The following SLF2 variants were observed in gnomAD, a reference collection of about 807,000 sequenced individuals.
SLF2 encodes the protein SMC5-SMC6 complex localization factor protein 2.
SLF2 carries 68 observed loss-of-function variants against 124.3 expected under a neutral mutation model. That is an observed-to-expected ratio of 0.55 (90% CI 0.45 to 0.67). SLF2 has a LOEUF of 0.67. Among genes scored for constraint, SLF2 ranks in the 30% least tolerant of loss-of-function variants. The probability of loss-of-function intolerance (pLI) is 0.00; values close to 1 mark genes in which losing one functional copy is unlikely to be tolerated. For missense variants in SLF2, 1,246 were observed against 1,373.7 expected, an observed-to-expected ratio of 0.91 and a Z score of 1.47; for synonymous variants, 480 against 478.8, an observed-to-expected ratio of 1.00 and a Z score of -0.03.
chr10:100,960,902 C>G (rs1443189979), intron 19 of SLF2, among the ~76,000 whole-genome samples: 2 of 145,856 alleles, frequency 1.4e-5, no homozygotes, highest in Non-Finnish European at 3.0e-5. Context: ...AATGACGCTT[C>G]TCAAATTTTA....
chr10:100,913,291 G>C (rs781460219), intron 1 of SLF2, 41 bp downstream of exon 1: 2 of 1,518,842 alleles, frequency 1.3e-6, no homozygotes, highest in Admixed American at 2.1e-5. Flanking sequence ...GGTCGCGGGG[G>C]CAAGGGTATG....
chr10:100,918,578 G>T (rs1363311902), intron 4 of SLF2, 137 bp downstream of exon 4: 1 of 586,350 alleles, frequency 1.7e-6, no homozygotes, highest in Non-Finnish European at 2.9e-6. Flanking sequence ...TAAGAGTTTG[G>T]TAAGATCATA....
rs967615259 is a variant in SLF2 at position 100,915,081 on chromosome 10, C to G, written c.141-918C>G. ...GAATACGAATTCTGGTAATGGATTC[C>G]TATTTCACTTTAGCATTATTGCCAA... On this transcript the variant is annotated intron_variant, in intron 1 of 19. Transcript: ENST00000238961. Among the ~76,000 whole-genome samples the G allele has an allele frequency of 1.1e-4, 17 of 152,164 alleles. 1 individual carries two copies. Among genetic ancestry groups the G allele is most frequent in the Non-Finnish European group, 8.8e-5 (6 of 68,012 alleles).
chr10:100,954,941 C>CT (rs753768937), intron 17 of SLF2, among the ~76,000 whole-genome samples: 36,469 of 137,008 alleles, frequency 0.27, 5,701 homozygotes, highest in East Asian at 0.54. Context: ...GCAAGACTCT[C>CT]TTTTTTTTTT....
At chr10:100,925,025 T>C in intron 5 of SLF2, 53 bp downstream of exon 5, 6 of 1,505,758 alleles carry the variant, frequency 4.0e-6, no homozygotes, top group Non-Finnish European at 5.4e-6. Flanking sequence ...GATGATTAAT[T>C]AGTGAAAGGG....
intron 1 of SLF2, 47 bp downstream of exon 1, chr10:100,913,297 G>C (rs770237569): frequency 6.7e-7 from 1 of 1,483,208 alleles, no homozygotes; most frequent in South Asian, 1.3e-5. Flanking sequence ...GGGGGCAAGG[G>C]TATGAGGGGA....
chr10:100,947,250 A>C, intron 14 of SLF2, 114 bp downstream of exon 14: 1 of 572,730 alleles, frequency 1.7e-6, no homozygotes. Context: ...AGATATGTTT[A>C]TTTCATATTC....
At chr10:100,939,610 G>A (rs181436228) in intron 11 of SLF2, among the ~76,000 whole-genome samples, 12 of 150,950 alleles carry the variant, frequency 7.9e-5, no homozygotes, top group African/African-American at 2.9e-4. Flanking sequence ...CCCGGGTGGC[G>A]GAGGTTACAG....
At chr10:100,936,717 G>T (rs1415480799) in intron 9 of SLF2, among the ~76,000 whole-genome samples, 4 of 152,024 alleles carry the variant, frequency 2.6e-5, no homozygotes, top group African/African-American at 9.7e-5. Flanking sequence ...ATATTATTTT[G>T]TATATTTGTA....
intron 9 of SLF2, among the ~76,000 whole-genome samples, chr10:100,932,710 TGTGTGTGTGTGCGCGCGC>T (rs955822968): frequency 6.8e-5 from 6 of 88,478 alleles, no homozygotes; most frequent in African/African-American, 2.1e-4. Context: ...TGTGTGTGTG[TGTGTGTGTGTGCGCGCGC>T]GCGCGCGCGC....
intron 1 of SLF2, among the ~76,000 whole-genome samples, chr10:100,914,445 T>C (rs946300256): frequency 6.6e-6 from 1 of 152,212 alleles, no homozygotes; most frequent in Non-Finnish European, 1.5e-5. Context: ...AAATCATTTT[T>C]TCTCTTTCTG....
At chr10:100,958,523 A>G (rs1850372563) in intron 18 of SLF2, among the ~76,000 whole-genome samples, 1 of 152,216 alleles carries the variant, frequency 6.6e-6, no homozygotes, top group African/African-American at 2.4e-5. Context: ...CTTAAAGACA[A>G]GGGCTTGGCA....
chr10:100,922,251 T>A lies in SLF2; in HGVS notation c.974-1724T>A, dbSNP rs1402810745. 2.0e-5 allele frequency among the ~76,000 whole-genome samples: 3 copies of A among 152,314 alleles called. No homozygotes were observed. The East Asian group carries it at 5.8e-4, about 29-fold the overall frequency. On this transcript the variant is annotated intron_variant, in intron 4 of 19. Coordinates refer to ENST00000238961, the MANE Select transcript of SLF2 (RefSeq NM_018121.4). ...TGCCACTGCACCCGGCTAATTTTTGTATTTTTTGTAGAGACTATTTCACCA... is the reference window on the plus strand; with the variant it reads ...TGCCACTGCACCCGGCTAATTTTTGAATTTTTTGTAGAGACTATTTCACCA...
intron 1 of SLF2, among the ~76,000 whole-genome samples, chr10:100,914,156 A>T (rs1415823087): frequency 6.6e-6 from 1 of 152,254 alleles, no homozygotes; most frequent in Admixed American, 6.5e-5. Context: ...GGATTTGATT[A>T]CAGGTTGCAG....
intron 9 of SLF2, among the ~76,000 whole-genome samples, chr10:100,935,595 G>A (rs374816257): frequency 5.3e-5 from 8 of 151,576 alleles, no homozygotes; most frequent in East Asian, 2.0e-4. Flanking sequence ...CACGAGAATC[G>A]CTTGAACCTG....
At chr10:100,943,756 A>G (rs962252878) in intron 11 of SLF2, 20 of 306,320 alleles carry the variant, frequency 6.5e-5, no homozygotes, top group African/African-American at 4.2e-4. Context: ...GATAGAAATC[A>G]TTAGTGTTTG....
intron 3 of SLF2, among the ~76,000 whole-genome samples, chr10:100,917,736 T>G (rs933478858): frequency 3.9e-5 from 6 of 152,016 alleles, no homozygotes; most frequent in African/African-American, 1.5e-4. Context: ...GCCACCATAT[T>G]TGACTAATTT....
chr10:100,963,229 AAT>A lies in SLF2; in HGVS notation c.*1319_*1320del, dbSNP rs1394683435. On this transcript the variant is annotated 3_prime_UTR_variant, in exon 20 of 20. Transcript: ENST00000238961. ...TGCGGTTTGAGAGGCAAGAAAATAA[AAT>A]AACTTTCTACCTCTAAATTGAGGCT... 6 of 152,752 alleles carry A rather than the reference AAT, an allele frequency of 3.9e-5. No individual in the cohort carries two copies. Among genetic ancestry groups the A allele is most frequent in the African/African-American group, 1.4e-4 (6 of 41,574 alleles). The allele number at this position is 152,752 out of a possible 1,614,324, so 9.5% of individuals were successfully genotyped here. A position where few individuals can be genotyped will look rare whatever the true frequency, so the allele number is the denominator to read the frequency against.
At chr10:100,956,156 T>TAAA (rs1189089784) in intron 17 of SLF2, among the ~76,000 whole-genome samples, 2 of 152,166 alleles carry the variant, frequency 1.3e-5, no homozygotes, top group African/African-American at 4.8e-5. Flanking sequence ...AAGGACTCTT[T>TAAA]AAATTTCTGA....
Sources: gnomAD v4.1 joint callset for allele counts (sites outside exome capture counted in the v4.1 genomes callset) on GRCh38, gnomAD v4.1.1 for gene constraint, MANE v1.5 for transcripts, NCBI Gene and HGNC (gene_info 2026-07-23, HGNC 2026-07-21) for gene names.